Variants in CNTLN observed in about 807,000 individuals in gnomAD.
CNTLN encodes centlein.
Under a neutral mutation model 180.0 loss-of-function variants are expected in CNTLN, and 212 were observed. The ratio of observed to expected loss-of-function variants is 1.18; its 90% CI spans 1.05 to 1.32. CNTLN has a LOEUF of 1.32. CNTLN is among the 40% of genes most tolerant of loss of function. The pLI is 0.00. For synonymous variants in CNTLN, 722 were observed against 563.1 expected, an observed-to-expected ratio of 1.28 and a Z score of -3.99; for missense variants, 2,095 against 1,610.9, an observed-to-expected ratio of 1.30 and a Z score of -5.14.
At chr9:17,304,333 G>T (rs900441226) in intron 7 of CNTLN, among the ~76,000 whole-genome samples, 2 of 152,038 alleles carry the variant, frequency 1.3e-5, no homozygotes, top group Admixed American at 1.3e-4. Flanking sequence ...GCATGTAGCC[G>T]TTCATACAAT....
chr9:17,200,382 G>A (rs1176246304), intron 2 of CNTLN, among the ~76,000 whole-genome samples: 1 of 152,122 alleles, frequency 6.6e-6, no homozygotes, highest in African/African-American at 2.4e-5. Flanking sequence ...GAAAGTCAGT[G>A]GTAGTTTGAT....
At chr9:17,290,876 G>C (rs919361273) in intron 6 of CNTLN, among the ~76,000 whole-genome samples, 3 of 152,208 alleles carry the variant, frequency 2.0e-5, no homozygotes, top group African/African-American at 7.2e-5. Flanking sequence ...CTCGCGCATG[G>C]TGCGTGCACC....
At chr9:17,152,985 C>G (rs548547812) in intron 2 of CNTLN, among the ~76,000 whole-genome samples, 4 of 151,800 alleles carry the variant, frequency 2.6e-5, no homozygotes, top group Non-Finnish European at 5.9e-5. Context: ...GCAACTCCTG[C>G]TTTTTTTTGC....
chr9:17,329,758 C>T (rs1820524831), intron 8 of CNTLN, among the ~76,000 whole-genome samples: 1 of 151,308 alleles, frequency 6.6e-6, no homozygotes, highest in South Asian at 2.1e-4. Context: ...TTAGGAATAT[C>T]ATTTAGGAAG....
In CNTLN at chr9:17,340,909, T is replaced by G. The variant is rs1821429404; in HGVS notation, c.1727T>G (p.Val576Gly). The G allele has an allele frequency of 6.2e-7, 1 of 1,612,014 alleles. No individual in the cohort carries two copies. The highest frequency in any genetic ancestry group is 1.1e-5 in the South Asian group (1 of 90,878). The change falls in exon 11 of 26, where the codon GTA becomes GGA. Residue 576 changes from valine (V) to glycine (G), a missense_variant. Physicochemically the swap from Val to Gly is moderately radical, Grantham distance 109. Transcript: ENST00000380647. ...LQMLQTNYRA[V>G]KEQLKQWEEG... ...ATGTTACAGACCAACTACAGAGCAG[T>G]AAAAGAGCAATTAAAACAGTGGGAA...
rs1337532384 is a variant in CNTLN at position 17,366,656 on chromosome 9, T to C, written c.1926T>C (p.His642=). ...LEEELDELKV[H]ISIDKAAIQE... ...AAGAATTAGATGAACTTAAAGTACA[T>C]ATATCTATTGATAAGGCAGCAATAC... The change falls in exon 13 of 26, where the codon CAT becomes CAC. Residue 642 remains histidine, a synonymous_variant. Transcript: ENST00000380647. 6.3e-6 allele frequency: 10 copies of C among 1,584,982 alleles called. No homozygotes were observed. The highest frequency in any genetic ancestry group is 8.6e-6 in the Non-Finnish European group (10 of 1,159,608).
chr9:17,310,672 G>T lies in CNTLN; in HGVS notation c.1341+1420G>T, dbSNP rs1488680700. The stretch of plus-strand genomic sequence containing the variant: ...CCTGTTTTTCAAAGTGGTTTTATCA[G>T]TTTTACTACCACCAACAATATAAAA... On this transcript the variant is annotated intron_variant, in intron 8 of 25. Transcript: ENST00000380647. Among the ~76,000 whole-genome samples, 5 of 152,138 alleles carry T rather than the reference G, an allele frequency of 3.3e-5. No homozygotes were observed. The East Asian group carries it at 7.7e-4, about 23-fold the overall frequency.
chr9:17,315,609 A>T lies in CNTLN; in HGVS notation c.1341+6357A>T, dbSNP rs1819487364. ...CCTGTCCTTGTGAGATTCCAATTAC[A>T]CACATATTAGACCTTTTCACTGTAT... is the stretch of plus-strand genomic sequence containing the variant. On this transcript the variant is annotated intron_variant, in intron 8 of 25. Transcript: ENST00000380647. 3.3e-5 allele frequency among the ~76,000 whole-genome samples: 5 copies of T among 151,980 alleles called. 1 individual carries two copies. The South Asian group carries it at 1.0e-3, about 32-fold the overall frequency.
intron 15 of CNTLN, among the ~76,000 whole-genome samples, chr9:17,400,299 G>T (rs1160526982): frequency 6.6e-6 from 1 of 152,010 alleles, no homozygotes. Context: ...CACAATGCCC[G>T]GCTAATTTTT....
At chr9:17,450,654 A>G (rs1232255829) in intron 18 of CNTLN, among the ~76,000 whole-genome samples, 3 of 152,188 alleles carry the variant, frequency 2.0e-5, no homozygotes, top group African/African-American at 7.2e-5. Context: ...TAGCAAAAGC[A>G]TTGGTGAAAA....
Position 17,235,781 on chromosome 9 carries a change from C to A in CNTLN, c.658C>A (p.Gln220Lys). 2 of 1,604,362 alleles carry A rather than the reference C, an allele frequency of 1.2e-6. No individual in the cohort carries two copies. The highest frequency in any genetic ancestry group is 2.3e-5 in the South Asian group (2 of 88,716). The change falls in exon 4 of 26, where the codon CAA becomes AAA. Residue 220 changes from glutamine (Q) to lysine (K), a missense_variant. Physicochemically the swap from Gln to Lys is moderately conservative, Grantham distance 53. Coordinates refer to ENST00000380647, the MANE Select transcript of CNTLN (RefSeq NM_017738.4). ...DLEKKFKDKSQEIKDTKECVQ... is the reference protein window; with the variant it reads ...DLEKKFKDKSKEIKDTKECVQ... ...GGAGAAGAAATTTAAAGATAAAAGT[C>A]AAGAAATTAAGGTGTGTTGACTTGT...
At chr9:17,234,362 G>C (rs563892763) in intron 3 of CNTLN, among the ~76,000 whole-genome samples, 2 of 152,158 alleles carry the variant, frequency 1.3e-5, no homozygotes, top group East Asian at 3.9e-4. Flanking sequence ...AGGATCCCTT[G>C]AGTCCAGGAG....
intron 12 of CNTLN, among the ~76,000 whole-genome samples, chr9:17,355,773 A>C (rs1822784779): frequency 6.6e-6 from 1 of 152,186 alleles, no homozygotes. Flanking sequence ...GTGCCTAAGA[A>C]ATCAGTCCAG....
At chr9:17,511,706 G>A in the CNTLN span, among the ~76,000 whole-genome samples, 1 of 151,554 alleles carries the variant, frequency 6.6e-6, no homozygotes, top group East Asian at 1.9e-4. Context: ...ACACCAGGAG[G>A]GGATTAGACA....
chr9:17,374,863 GAA>G (rs760727644), intron 13 of CNTLN, among the ~76,000 whole-genome samples: 3 of 130,076 alleles, frequency 2.3e-5, no homozygotes, highest in Admixed American at 1.5e-4. Context: ...TCCATCTCAG[GAA>G]AAAAAAAAAA....
chr9:17,265,785 G>T (rs1272228392), intron 5 of CNTLN, among the ~76,000 whole-genome samples: 1 of 152,124 alleles, frequency 6.6e-6, no homozygotes, highest in African/African-American at 2.4e-5. Context: ...ATGTGTCGAG[G>T]AATTTATCCA....
intron 5 of CNTLN, among the ~76,000 whole-genome samples, chr9:17,268,438 C>T (rs1378541791): frequency 6.6e-6 from 1 of 152,184 alleles, no homozygotes; most frequent in Non-Finnish European, 1.5e-5. Context: ...AGGTGTCTGT[C>T]AGTCTGCCCC....
At chr9:17,150,291 G>C (rs889114376) in intron 2 of CNTLN, among the ~76,000 whole-genome samples, 3 of 152,150 alleles carry the variant, frequency 2.0e-5, no homozygotes, top group Admixed American at 6.5e-5. Flanking sequence ...TAGGTCTTAC[G>C]TTTAAGTCTT....
chr9:17,418,463 C>T (rs1434610773), intron 18 of CNTLN, among the ~76,000 whole-genome samples: 1 of 152,052 alleles, frequency 6.6e-6, no homozygotes, highest in Admixed American at 6.5e-5. Context: ...TGGAAGATGT[C>T]AAGATCCCAG....
Sources: gnomAD v4.1 joint callset for allele counts (sites outside exome capture counted in the v4.1 genomes callset) on GRCh38, gnomAD v4.1.1 for gene constraint, MANE v1.5 for transcripts, NCBI Gene and HGNC (gene_info 2026-07-23, HGNC 2026-07-21) for gene names.